CES2: variants seen among roughly 807,000 people sequenced by gnomAD.
CES2 encodes carboxylesterase 2.
Under a neutral mutation model 52.1 loss-of-function variants are expected in CES2, and 42 were observed. That is an observed-to-expected ratio of 0.81 (90% CI 0.63 to 1.04). CES2 has a LOEUF of 1.04. Among genes scored for constraint, CES2 ranks in the 50% least tolerant of loss-of-function variants. The probability of loss-of-function intolerance (pLI) is 0.00; values close to 1 mark genes in which losing one functional copy is unlikely to be tolerated. For missense variants in CES2, 656 were observed against 724.3 expected (o/e 0.91, Z 1.08); for synonymous variants, 277 against 289.6 (o/e 0.96, Z 0.44).
chr16:66,942,360 G>A, intron 9 of CES2, 111 bp downstream of exon 9: 7 of 1,132,098 alleles, frequency 6.2e-6, no homozygotes, highest in Non-Finnish European at 8.8e-6. Flanking sequence ...GGGCTCCGGG[G>A]ACACTTGACA....
At chr16:66,938,979 C>T (rs1233851206) in intron 2 of CES2, among the ~76,000 whole-genome samples, 4 of 152,148 alleles carry the variant, frequency 2.6e-5, no homozygotes, top group Admixed American at 6.5e-5. Flanking sequence ...TCCGGCAGTG[C>T]GAGGAATGAT....
chr16:66,935,405 C>A, upstream of CES2: 1 of 1,541,472 alleles, frequency 6.5e-7, no homozygotes, highest in South Asian at 1.2e-5. Flanking sequence ...GGAAAGTGGC[C>A]GTGCCCGGGC....
At position 66,943,641 on chromosome 16, in the gene CES2, G is replaced by A. The variant is rs2145511424; in HGVS notation, c.1494-198G>A. On this transcript the variant is annotated intron_variant, in intron 11 of 11. Coordinates refer to ENST00000317091, the MANE Select transcript of CES2 (RefSeq NM_001365405.1). The surrounding 1 kb of genome is among the most constrained non-coding windows in gnomAD (Gnocchi z 4.2). ...AGAGAGGGACACAACAGAGCTGGCT[G>A]CCCTCCCCCAACCCCCACTGGTGCT... 4 of 581,538 alleles carry A rather than the reference G, an allele frequency of 6.9e-6. No homozygotes were observed. Among genetic ancestry groups the A allele is most frequent in the Admixed American group, 3.1e-5 (1 of 31,968 alleles). 36.0% of individuals were successfully genotyped at this position (581,538 alleles called of 1,614,324 possible). A position where few individuals can be genotyped will look rare whatever the true frequency, so the allele number is the denominator to read the frequency against.
chr16:66,936,686 C>T (rs1274249301), intron 1 of CES2, among the ~76,000 whole-genome samples: 1 of 152,106 alleles, frequency 6.6e-6, no homozygotes, highest in Admixed American at 6.5e-5. Flanking sequence ...GCCTTTGGTC[C>T]TCTCACCCGA....
chr16:66,938,806 C>T (rs965594911), intron 2 of CES2, among the ~76,000 whole-genome samples: 3 of 152,168 alleles, frequency 2.0e-5, no homozygotes, highest in African/African-American at 7.2e-5. Context: ...GGATGAGAGA[C>T]ATCCCACTGC....
At chr16:66,941,710 G>T in intron 7 of CES2, 58 bp from the exon 8 acceptor site, 1 of 1,613,692 alleles carries the variant, frequency 6.2e-7, no homozygotes, top group East Asian at 2.2e-5. Flanking sequence ...GGTGTTCAGG[G>T]CTTCATAGCT....
Position 66,943,916 on chromosome 16 carries a change from C to G in CES2, c.1571C>G (p.Pro524Arg). The G allele has an allele frequency of 6.2e-7, 1 of 1,610,470 alleles. No individual in the cohort carries two copies. Among genetic ancestry groups the G allele is most frequent in the Non-Finnish European group, 8.5e-7 (1 of 1,177,460 alleles). Residue 524 changes from proline (P) to arginine (R), a missense_variant, in exon 12 of 12, where the codon CCT becomes CGT. Physicochemically the swap from Pro to Arg is moderately radical, Grantham distance 103 (BLOSUM62 -2). Coordinates refer to ENST00000317091, the MANE Select transcript of CES2 (RefSeq NM_001365405.1). The surrounding 1 kb of genome is among the most constrained non-coding windows in gnomAD (Gnocchi z 4.2). ...EEQYLQLNLQPAVGRALKAHR... is the reference protein window; with the variant it reads ...EEQYLQLNLQRAVGRALKAHR... ...CAATACCTGCAGCTGAACCTACAGC[C>G]TGCGGTGGGCCGGGCTCTGAAGGCC...
chr16:66,938,935 A>G (rs936463271), intron 2 of CES2, among the ~76,000 whole-genome samples: 1 of 152,186 alleles, frequency 6.6e-6, no homozygotes, highest in African/African-American at 2.4e-5. Context: ...CATGCAGCCA[A>G]TGGTTCTCAT....
intron 2 of CES2, chr16:66,938,448 C>G (rs1963270348): frequency 1.7e-6 from 1 of 588,942 alleles, no homozygotes; most frequent in African/African-American, 1.9e-5. Flanking sequence ...TGGATCAGGG[C>G]TTGGCATTCA....
chr16:66,941,948 C>T (rs2145508413), intron 8 of CES2, 100 bp downstream of exon 8: 7 of 1,567,482 alleles, frequency 4.5e-6, no homozygotes, highest in Non-Finnish European at 6.1e-6. Context: ...GTAGTGACCC[C>T]CATGAGCAAA....
At position 66,938,211 on chromosome 16, in the gene CES2, G is replaced by T; in HGVS notation, c.251G>T (p.Gly84Val). ...CCTGAGCCCCCTGAATCTTGGAGTG[G>T]TGTGAGGGATGGAACCACCCATCCG... ...APPEPPESWS[G>V]VRDGTTHPAM... is the part of the protein sequence containing the mutation. The change falls in exon 2 of 12, where the codon GGT (glycine) becomes GTT (valine). Residue 84 changes from glycine (G) to valine (V), a missense_variant. Transcript: ENST00000317091. 1 of 1,614,144 alleles carries T rather than the reference G, an allele frequency of 6.2e-7. No homozygotes were observed. Among genetic ancestry groups the T allele is most frequent in the Non-Finnish European group, 8.5e-7 (1 of 1,179,976 alleles).
At chr16:66,942,031 C>G in intron 8 of CES2, 74 bp from the exon 9 acceptor site, 1 of 1,553,182 alleles carries the variant, frequency 6.4e-7, no homozygotes, top group African/African-American at 1.4e-5. Context: ...TGTGCCATCC[C>G]CAAGCCCGAG....
intron 1 of CES2, among the ~76,000 whole-genome samples, chr16:66,937,015 A>G (rs1963232536): frequency 6.9e-6 from 1 of 144,174 alleles, no homozygotes; most frequent in African/African-American, 2.5e-5. Context: ...GTCTCTACCA[A>G]AAAAAAAAAA....
chr16:66,941,982 G>A (rs1963377324), intron 8 of CES2, 123 bp from the exon 9 acceptor site: 2 of 1,515,576 alleles, frequency 1.3e-6, no homozygotes, highest in Admixed American at 1.8e-5. Context: ...GTGTTTAGGG[G>A]TGGGGTCACC....
In CES2 at chr16:66,943,939, G is replaced by A. The variant is rs757957093; in HGVS notation, c.1594G>A (p.Ala532Thr). ...GCCTGCGGTGGGCCGGGCTCTGAAG[G>A]CCCACAGGCTCCAGTTCTGGAAGAA... is the stretch of plus-strand genomic sequence containing the variant. ...LQPAVGRALK[A>T]HRLQFWKKAL... Residue 532 changes from alanine (A) to threonine (T), a missense_variant, in exon 12 of 12, where the codon GCC (alanine) becomes ACC (threonine). Ala to Thr is a moderately conservative substitution (Grantham distance 58). Coordinates refer to ENST00000317091, the MANE Select transcript of CES2 (RefSeq NM_001365405.1). This position sits in a 1 kb window ranked among gnomAD's most constrained non-coding sequence, Gnocchi z 4.2. 8.1e-6 allele frequency: 13 copies of A among 1,609,766 alleles called. No individual in the cohort carries two copies. The highest frequency in any genetic ancestry group is 3.4e-6 in the Non-Finnish European group (4 of 1,176,916).
chr16:66,937,976 A>G (rs1963253212), intron 1 of CES2, 61 bp from the exon 2 acceptor site: 3 of 1,392,980 alleles, frequency 2.2e-6, no homozygotes, highest in Admixed American at 1.7e-5. Context: ...AGCAATACCA[A>G]CAGTTGGGAG....
At chr16:66,935,846 G>A (rs1963196427) in intron 1 of CES2, 135 bp downstream of exon 1, 3 of 1,545,534 alleles carry the variant, frequency 1.9e-6, no homozygotes, top group Admixed American at 1.9e-5. Context: ...GAACTCGTGA[G>A]CCCCACGCAA....
intron 7 of CES2, 43 bp from the exon 8 acceptor site, chr16:66,941,725 G>T: frequency 6.2e-7 from 1 of 1,613,950 alleles, no homozygotes; most frequent in East Asian, 2.2e-5. Flanking sequence ...ATAGCTCCAG[G>T]CTCATCCCAT....
At chr16:66,940,116 C>G (rs1963318449) in intron 3 of CES2, 106 bp from the exon 4 acceptor site, 9 of 1,469,432 alleles carry the variant, frequency 6.1e-6, no homozygotes, top group Non-Finnish European at 7.4e-6. Flanking sequence ...TGCTGGAGAT[C>G]TAATGGGGAG....
Sources: gnomAD v4.1 joint callset for allele counts (sites outside exome capture counted in the v4.1 genomes callset) on GRCh38, gnomAD v4.1.1 for gene constraint, Gnocchi (gnomAD v3.1) non-coding constraint, MANE v1.5 for transcripts, NCBI Gene and HGNC (gene_info 2026-07-23, HGNC 2026-07-21) for gene names.